Variants in WWOX observed in about 807,000 individuals in gnomAD.
WWOX encodes the protein WW domain containing oxidoreductase.
In WWOX, 69 loss-of-function variants were observed where a neutral mutation model predicts 46.2. The ratio of observed to expected loss-of-function variants is 1.49; its 90% CI spans 1.23 to 1.82. The LOEUF is 1.82. Among genes scored for constraint, WWOX ranks in the 40% most tolerant of loss-of-function variants. WWOX has a pLI of 0.00. For missense variants in WWOX, 919 were observed against 542.6 expected (o/e 1.69, Z -6.89); for synonymous variants, 359 against 202.6 (o/e 1.77, Z -6.56).
chr16:79,005,254 C>T lies in WWOX; in HGVS notation c.1057-206354C>T, dbSNP rs146610302. ...ACCTACAGCTAAGTTTCCCAAGAGC[C>T]GATCTCCAGCCAAAGTCCAAGGTTC... On this transcript the variant is annotated intron_variant, in intron 8 of 8. Coordinates refer to ENST00000566780, the MANE Select transcript of WWOX (RefSeq NM_016373.4). Among the ~76,000 whole-genome samples the T allele has an allele frequency of 8.0e-4, 122 of 152,224 alleles. 1 individual carries two copies. Among genetic ancestry groups the T allele is most frequent in the African/African-American group, 2.9e-3 (121 of 41,536 alleles).
intron 6 of WWOX, among the ~76,000 whole-genome samples, chr16:78,388,969 CAAAAA>C (rs71137896): frequency 7.7e-6 from 1 of 129,296 alleles, no homozygotes. Context: ...AACTCTGTCT[CAAAAA>C]AAAAAAAAAA....
chr16:78,563,301 C>G (rs12930179), intron 8 of WWOX, among the ~76,000 whole-genome samples: 2 of 151,958 alleles, frequency 1.3e-5, no homozygotes, highest in Non-Finnish European at 2.9e-5. Flanking sequence ...CTGCAACTTT[C>G]CTTTTATTTT....
intron 5 of WWOX, among the ~76,000 whole-genome samples, chr16:78,282,016 C>T (rs2079687464): frequency 6.6e-6 from 1 of 152,188 alleles, no homozygotes; most frequent in Non-Finnish European, 1.5e-5. Context: ...AAGCTGTTTT[C>T]CCCACTACCC....
intron 8 of WWOX, among the ~76,000 whole-genome samples, chr16:78,858,360 G>GTA (rs558930310): frequency 5.2e-4 from 79 of 151,528 alleles, no homozygotes; most frequent in South Asian, 2.5e-3. Context: ...GTATATATAT[G>GTA]TGTGTGTATG....
intron 4 of WWOX, among the ~76,000 whole-genome samples, chr16:78,146,370 G>A (rs936403380): frequency 3.9e-5 from 6 of 152,058 alleles, no homozygotes; most frequent in African/African-American, 1.4e-4. Context: ...CCTATGTTGG[G>A]GATCCTACCA....
At chr16:79,091,364 C>G (rs534736178) in intron 8 of WWOX, among the ~76,000 whole-genome samples, 92 of 152,132 alleles carry the variant, frequency 6.0e-4, no homozygotes, top group Non-Finnish European at 1.1e-3. Context: ...TGTGTTGAAG[C>G]TCTTTCACTG....
intron 5 of WWOX, chr16:78,281,177 C>A (rs1159163170): frequency 6.6e-6 from 1 of 152,166 alleles, no homozygotes; most frequent in Non-Finnish European, 1.5e-5. Flanking sequence ...ATTCTTGGGG[C>A]AAATGGGAAA....
intron 8 of WWOX, among the ~76,000 whole-genome samples, chr16:78,726,935 G>A (rs1302604866): frequency 6.6e-6 from 1 of 152,210 alleles, no homozygotes; most frequent in Non-Finnish European, 1.5e-5. Context: ...TGTTAGGGCT[G>A]TCTGCACAGT....
intron 8 of WWOX, among the ~76,000 whole-genome samples, chr16:78,522,357 A>G (rs1024593191): frequency 3.9e-5 from 6 of 152,054 alleles, no homozygotes; most frequent in African/African-American, 1.4e-4. Flanking sequence ...TAATTCTTTG[A>G]GTGTTTCTGA....
At chr16:79,129,940 A>T (rs2049842048) in intron 8 of WWOX, among the ~76,000 whole-genome samples, 1 of 152,166 alleles carries the variant, frequency 6.6e-6, no homozygotes, top group East Asian at 1.9e-4. Flanking sequence ...AGGTCCCTTT[A>T]CCACTTTGCC....
At chr16:78,403,790 A>T (rs2082466590) in intron 6 of WWOX, among the ~76,000 whole-genome samples, 1 of 152,190 alleles carries the variant, frequency 6.6e-6, no homozygotes, top group African/African-American at 2.4e-5. Context: ...ATTGTCAAGT[A>T]ATTTACTGCC....
intron 8 of WWOX, among the ~76,000 whole-genome samples, chr16:79,104,412 C>G (rs2049266475): frequency 6.6e-6 from 1 of 152,166 alleles, no homozygotes; most frequent in Non-Finnish European, 1.5e-5. Flanking sequence ...CCACCATTAA[C>G]ATTTTGCTAT....
chr16:78,769,415 G>C (rs1400807364), intron 8 of WWOX, among the ~76,000 whole-genome samples: 3 of 152,030 alleles, frequency 2.0e-5, no homozygotes, highest in East Asian at 1.9e-4. Flanking sequence ...TCAAGCACAT[G>C]TTGTAGCCAT....
chr16:79,169,898 G>A (rs982955792), intron 8 of WWOX, among the ~76,000 whole-genome samples: 2 of 152,126 alleles, frequency 1.3e-5, no homozygotes, highest in Non-Finnish European at 2.9e-5. Flanking sequence ...CAGAAATCAA[G>A]ATGGAAAAAA....
chr16:79,212,246 C>G lies in WWOX; in HGVS notation c.*450C>G. 3.7e-6 allele frequency: 5 copies of G among 1,335,162 alleles called. No homozygotes were observed. In the South Asian group the frequency reaches 6.3e-5, roughly 17 times the overall value. 82.7% of individuals were successfully genotyped at this position (1,335,162 alleles called of 1,614,324 possible). On this transcript the variant is annotated 3_prime_UTR_variant, in exon 9 of 9. Transcript: ENST00000566780. ...GTTCACTGCTCCTTGCTGCATTGAT[C>G]CAGGAGATAATTGTTTCATTCATCC...
intron 8 of WWOX, among the ~76,000 whole-genome samples, chr16:78,878,237 A>G (rs2656625): frequency 0.99 from 151,502 of 152,284 alleles, 75,370 homozygotes; most frequent in Middle Eastern, 1. Flanking sequence ...GCCTCATGAC[A>G]TTGGGCAGAT....
intron 8 of WWOX, among the ~76,000 whole-genome samples, chr16:78,954,745 TG>T (rs1039620584): frequency 1.3e-5 from 2 of 152,096 alleles, no homozygotes; most frequent in African/African-American, 4.8e-5. Flanking sequence ...TAAAGTGCTA[TG>T]GGGAAGCAAA....
chr16:79,049,198 G>A (rs1229778110), intron 8 of WWOX, among the ~76,000 whole-genome samples: 2 of 152,214 alleles, frequency 1.3e-5, no homozygotes, highest in Admixed American at 1.3e-4. Flanking sequence ...CTCAAAAGCA[G>A]CCATGGCTGT....
intron 8 of WWOX, among the ~76,000 whole-genome samples, chr16:78,800,555 A>C (rs1244918298): frequency 6.6e-6 from 1 of 152,186 alleles, no homozygotes. Flanking sequence ...GCAAACGTGA[A>C]TTAATATGCA....
Sources: gnomAD v4.1 joint callset for allele counts (sites outside exome capture counted in the v4.1 genomes callset) on GRCh38, gnomAD v4.1.1 for gene constraint, MANE v1.5 for transcripts, NCBI Gene and HGNC (gene_info 2026-07-23, HGNC 2026-07-21) for gene names.